Variants in KANK1 observed in about 807,000 individuals in gnomAD.
KANK1 encodes the protein KN motif and ankyrin repeat domains 1.
A neutral mutation model predicts 106.2 loss-of-function variants in KANK1; 109 were observed. The observed-to-expected ratio is 1.03, with a 90% CI of 0.88 to 1.20. The LOEUF (loss-of-function observed/expected upper bound fraction) is 1.20, where lower values mean the gene tolerates loss of function less well. Among genes scored for constraint, KANK1 ranks in the 50% most tolerant of loss-of-function variants. The pLI is 0.00. For missense variants in KANK1, 2,399 were observed against 1,710.7 expected, an observed-to-expected ratio of 1.40 and a Z score of -7.10; for synonymous variants, 873 against 652.2, an observed-to-expected ratio of 1.34 and a Z score of -5.16.
intron 1 of KANK1, among the ~76,000 whole-genome samples, chr9:573,511 C>A (rs1819740475): frequency 6.6e-6 from 1 of 152,076 alleles, no homozygotes; most frequent in Admixed American, 6.6e-5. Context: ...ACCTCGTGAT[C>A]CGCCCTCCTC....
chr9:635,497 G>A (rs543018896), intron 1 of KANK1, among the ~76,000 whole-genome samples: 233 of 151,448 alleles, frequency 1.5e-3, no homozygotes, highest in African/African-American at 4.6e-3. Flanking sequence ...CTAATACCAC[G>A]CACAGATGGA....
chr9:498,218 G>T (rs1164597984), intron 3 of KANK1, among the ~76,000 whole-genome samples: 1 of 152,182 alleles, frequency 6.6e-6, no homozygotes, highest in Non-Finnish European at 1.5e-5. Context: ...ATTGCTATTT[G>T]CACACAATTC....
intron 1 of KANK1, among the ~76,000 whole-genome samples, chr9:614,626 T>C (rs746660810): frequency 9.9e-5 from 15 of 152,114 alleles, no homozygotes; most frequent in Admixed American, 3.9e-4. Context: ...GCCCACTAAA[T>C]GCCGGAAGTG....
In KANK1 at chr9:731,229, G is replaced by T. The variant is rs138899296; in HGVS notation, c.2968G>T (p.Ala990Ser). 3 of 1,609,738 alleles carry T rather than the reference G, an allele frequency of 1.9e-6. No individual in the cohort carries two copies. Among genetic ancestry groups the T allele is most frequent in the Admixed American group, 1.7e-5 (1 of 59,934 alleles). ...KKDGNKDSNG[A>S]KKNLQFVGIN... The stretch of plus-strand genomic sequence containing the variant: ...AGATGGTAACAAAGATTCAAATGGC[G>T]CAAAAAAGAATCTTCAGTTTGTTGG... Residue 990 changes from alanine to serine, a missense_variant, in exon 5 of 12, where the codon GCA becomes TCA. Coordinates refer to ENST00000382297, the MANE Select transcript of KANK1 (RefSeq NM_015158.5).
chr9:550,062 G>A (rs995185427), intron 1 of KANK1, among the ~76,000 whole-genome samples: 4 of 152,094 alleles, frequency 2.6e-5, no homozygotes, highest in South Asian at 4.1e-4. Flanking sequence ...GCTTTCTCGT[G>A]AGGAATGTCA....
chr9:738,406 G>GA lies in KANK1; in HGVS notation c.3455_3456insA (p.Tyr1153LeufsTer36). On this transcript the variant is annotated frameshift_variant, in exon 8 of 12. Transcript: ENST00000382297. LOFTEE classifies it high-confidence loss of function. ...GAGGCCATTTCCCCAGATGTCCTCC[G>GA]CTATGTCATCAACTTGGCAGACGGC... The GA allele has an allele frequency of 6.2e-7, 1 of 1,614,098 alleles. No homozygotes were observed. Among genetic ancestry groups the GA allele is most frequent in the Non-Finnish European group, 8.5e-7 (1 of 1,180,012 alleles).
chr9:482,771 A>G (rs1301508544), intron 3 of KANK1, among the ~76,000 whole-genome samples: 1 of 152,232 alleles, frequency 6.6e-6, no homozygotes, highest in Non-Finnish European at 1.5e-5. Context: ...TGATGTATGA[A>G]TTTGTATCGC....
At chr9:488,503 T>C (rs1379393050) in intron 3 of KANK1, among the ~76,000 whole-genome samples, 3 of 152,246 alleles carry the variant, frequency 2.0e-5, no homozygotes, top group Non-Finnish European at 2.9e-5. Context: ...GATTTGAACC[T>C]TGTTTCTGCC....
At chr9:724,895 G>A (rs1830277939) in intron 3 of KANK1, among the ~76,000 whole-genome samples, 1 of 152,152 alleles carries the variant, frequency 6.6e-6, no homozygotes, top group South Asian at 2.1e-4. Context: ...GAATGGACTT[G>A]GAGAAGGAAA....
chr9:585,015 G>T (rs1306933316), intron 1 of KANK1, among the ~76,000 whole-genome samples: 1 of 152,102 alleles, frequency 6.6e-6, no homozygotes, highest in Non-Finnish European at 1.5e-5. Flanking sequence ...CTTCCTTATT[G>T]TTAAACCCAG....
chr9:575,663 C>G (rs1264225453), intron 1 of KANK1, among the ~76,000 whole-genome samples: 1 of 151,530 alleles, frequency 6.6e-6, no homozygotes, highest in Admixed American at 6.6e-5. Flanking sequence ...AGAGCAAGAC[C>G]CTGTCTCAAA....
At chr9:595,377 G>A (rs774417136) in intron 1 of KANK1, among the ~76,000 whole-genome samples, 8 of 151,892 alleles carry the variant, frequency 5.3e-5, no homozygotes, top group Non-Finnish European at 1.2e-4. Context: ...GCACTCTGAA[G>A]GGGAGACCTA....
At chr9:604,315 C>T (rs1303049267) in intron 1 of KANK1, among the ~76,000 whole-genome samples, 1 of 151,668 alleles carries the variant, frequency 6.6e-6, no homozygotes, top group Non-Finnish European at 1.5e-5. Flanking sequence ...AATCTCATCT[C>T]AAATTGTAAT....
chr9:660,560 G>A (rs1262908676), intron 1 of KANK1, among the ~76,000 whole-genome samples: 1 of 152,128 alleles, frequency 6.6e-6, no homozygotes, highest in Non-Finnish European at 1.5e-5. Context: ...GCCTGGCAGT[G>A]TCAAGTCTGA....
At position 742,056 on chromosome 9, in the gene KANK1, C is replaced by T. The variant is rs1589362719; in HGVS notation, c.3697-149C>T. On this transcript the variant is annotated intron_variant, in intron 9 of 11. Transcript: ENST00000382297. The stretch of plus-strand genomic sequence containing the variant: ...CTCATGGGAAGCTGGTTTCTCCCTG[C>T]TTGCCACCACCTGCCCCAAGTAGTT... 4.4e-6 allele frequency: 3 copies of T among 686,522 alleles called. No individual in the cohort carries two copies. In the East Asian group the frequency reaches 7.7e-5, roughly 18 times the overall value. 42.5% of individuals were successfully genotyped at this position (686,522 alleles called of 1,614,324 possible).
intron 1 of KANK1, among the ~76,000 whole-genome samples, chr9:624,682 C>G (rs1034677069): frequency 3.3e-5 from 5 of 151,960 alleles, no homozygotes; most frequent in Admixed American, 2.6e-4. Flanking sequence ...TCCTGTAGTC[C>G]CAGCTACTCG....
chr9:713,535 A>AT (rs1055808471), intron 3 of KANK1, 71 bp downstream of exon 3: 2 of 1,477,326 alleles, frequency 1.4e-6, no homozygotes, highest in African/African-American at 2.8e-5. Flanking sequence ...GCTAAGGATT[A>AT]TTTTTTAACT....
chr9:722,240 G>A (rs546981138), intron 3 of KANK1, among the ~76,000 whole-genome samples: 3 of 152,142 alleles, frequency 2.0e-5, no homozygotes, highest in Non-Finnish European at 4.4e-5. Flanking sequence ...AATTATGGAC[G>A]GGCCCTGAAT....
In KANK1 at chr9:713,054, A is replaced by C. The variant is rs1169102762; in HGVS notation, c.2288A>C (p.Gln763Pro). ...AVKTKESGVG[Q>P]ININDNYLVG... The stretch of plus-strand genomic sequence containing the variant: ...AAGACCAAAGAGTCAGGTGTGGGGC[A>C]GATAAATATTAACGACAACTATCTG... The change falls in exon 3 of 12, where the codon CAG (glutamine) becomes CCG (proline). Residue 763 changes from glutamine (Q) to proline (P), a missense_variant. Physicochemically the swap from Gln to Pro is moderately conservative, Grantham distance 76. Coordinates refer to ENST00000382297, the MANE Select transcript of KANK1 (RefSeq NM_015158.5). 3 of 1,614,192 alleles carry C rather than the reference A, an allele frequency of 1.9e-6. No homozygotes were observed. Among genetic ancestry groups the C allele is most frequent in the Admixed American group, 3.3e-5 (2 of 60,032 alleles).
Sources: allele counts gnomAD v4.1 joint callset (sites outside exome capture counted in the v4.1 genomes callset), GRCh38; gene constraint gnomAD v4.1.1; transcripts MANE v1.5; gene names NCBI Gene and HGNC (gene_info 2026-07-23, HGNC 2026-07-21).